TP53BP1: variants seen among roughly 807,000 people sequenced by gnomAD.
TP53BP1 encodes the protein tumor protein p53 binding protein 1, also known as TP53-binding protein 1.
TP53BP1 carries 61 observed loss-of-function variants against 200.8 expected under a neutral mutation model. The observed-to-expected ratio is 0.30, with a 90% CI of 0.25 to 0.38. The LOEUF (loss-of-function observed/expected upper bound fraction) is 0.38. Among genes scored for constraint, TP53BP1 ranks in the 10% least tolerant of loss-of-function variants. The pLI is 1.00. For missense variants in TP53BP1, 2,144 were observed against 2,371.9 expected (o/e 0.90, Z 2.00); for synonymous variants, 822 against 844.3 (o/e 0.97, Z 0.46).
intron 1 of TP53BP1, among the ~76,000 whole-genome samples, chr15:43,500,168 T>C (rs2079202320): frequency 6.6e-6 from 1 of 152,204 alleles, no homozygotes. Context: ...TGATGTCCAA[T>C]TGACATCTCA....
intron 12 of TP53BP1, 121 bp from the exon 13 acceptor site, chr15:43,447,606 G>T: frequency 9.7e-7 from 1 of 1,026,806 alleles, no homozygotes; most frequent in Non-Finnish European, 1.3e-6. Context: ...CTTTTCCTTT[G>T]CTCCCAAATT....
chr15:43,479,357 C>T (rs564079602), intron 7 of TP53BP1, 40 bp downstream of exon 7: 6 of 1,563,192 alleles, frequency 3.8e-6, no homozygotes, highest in South Asian at 1.2e-5. Context: ...TATAACCCTA[C>T]AGCAAAACTC....
At chr15:43,459,416 T>C (rs2046378075) in intron 11 of TP53BP1, among the ~76,000 whole-genome samples, 1 of 152,210 alleles carries the variant, frequency 6.6e-6, no homozygotes. Context: ...ACTCATATAA[T>C]GGTCATATAT....
chr15:43,441,095 A>G (rs1464206465), intron 15 of TP53BP1, among the ~76,000 whole-genome samples: 2 of 152,180 alleles, frequency 1.3e-5, no homozygotes, highest in Non-Finnish European at 2.9e-5. Context: ...ATAACAGCTC[A>G]ACATAGTAGT....
upstream of TP53BP1, among the ~76,000 whole-genome samples, chr15:43,497,703 G>C (rs1350764906): frequency 6.6e-6 from 1 of 152,192 alleles, no homozygotes; most frequent in Non-Finnish European, 1.5e-5. Flanking sequence ...AAAGTAGAAT[G>C]GTGGCTGCCA....
intron 16 of TP53BP1, among the ~76,000 whole-genome samples, chr15:43,434,347 C>A (rs1436255026): frequency 6.6e-6 from 1 of 152,184 alleles, no homozygotes; most frequent in Non-Finnish European, 1.5e-5. Flanking sequence ...ATATTTAAAT[C>A]TTTAAGACAT....
intron 24 of TP53BP1, among the ~76,000 whole-genome samples, chr15:43,410,003 C>T (rs529650269): frequency 6.6e-6 from 1 of 152,166 alleles, no homozygotes; most frequent in African/African-American, 2.4e-5. Flanking sequence ...TCAAAGGTTC[C>T]TGCACCGGAC....
intron 18 of TP53BP1, among the ~76,000 whole-genome samples, chr15:43,426,382 G>A (rs2045531470): frequency 7.0e-6 from 1 of 141,876 alleles, no homozygotes; most frequent in African/African-American, 2.6e-5. Flanking sequence ...AGAGGCTCCA[G>A]AAGGCCAAGA....
Position 43,428,086 on chromosome 15 carries a change from G to A in TP53BP1, c.3758C>T (p.Thr1253Ile). Residue 1253 changes from threonine (T) to isoleucine (I), a missense_variant, in exon 18 of 28, where the codon ACA becomes ATA. Physicochemically the swap from Thr to Ile is moderately conservative, Grantham distance 89 (BLOSUM62 -1). This residue lies in a region of TP53BP1 where 1,700 missense variants were observed against 1,710.3 expected (regional missense o/e 0.99). Transcript: ENST00000382044. ...ATCTGTAATGACACGAGTGACAAGT[G>A]TGCGTACTTCCCGGATTGTTCTCAT... ...RHMRTIREVR[T>I]LVTRVITDVY... 1 of 1,613,032 alleles carries A rather than the reference G, an allele frequency of 6.2e-7. No homozygotes were observed. The highest frequency in any genetic ancestry group is 8.5e-7 in the Non-Finnish European group (1 of 1,179,094).
At chr15:43,481,488 C>CAT in intron 4 of TP53BP1, among the ~76,000 whole-genome samples, 1 of 151,350 alleles carries the variant, frequency 6.6e-6, no homozygotes, top group East Asian at 1.9e-4. Flanking sequence ...CACACACACA[C>CAT]ACACTTTTTA....
rs768497502 is a variant in TP53BP1, at chr15:43,409,690, C to T, written c.5357G>A (p.Arg1786Gln). 4.4e-6 allele frequency: 7 copies of T among 1,575,668 alleles called. No homozygotes were observed. The highest frequency in any genetic ancestry group is 6.0e-6 in the Non-Finnish European group (7 of 1,163,526). ...FNKQYTESQL[R>Q]AGAGYILEDF... ...TTCAAGGATATAGCCAGCTCCTGCTCGAAGCTGGGATTCTGTATACTGCTT... is the reference window on the plus strand; with the variant it reads ...TTCAAGGATATAGCCAGCTCCTGCTTGAAGCTGGGATTCTGTATACTGCTT... Residue 1786 changes from arginine (R) to glutamine (Q), a missense_variant, in exon 25 of 28, where the codon CGA becomes CAA. By Grantham distance (43) the Arg-to-Gln change is conservative. This residue lies in a region of TP53BP1 where 334 missense variants were observed against 453.4 expected (regional missense o/e 0.74). Coordinates refer to ENST00000382044, the MANE Select transcript of TP53BP1 (RefSeq NM_001141980.3).
intron 20 of TP53BP1, 137 bp downstream of exon 20, chr15:43,420,888 C>T (rs2045380351): frequency 7.5e-7 from 1 of 1,334,858 alleles, no homozygotes; most frequent in African/African-American, 1.5e-5. Flanking sequence ...TGTGGCCTCA[C>T]TCTGATCCCT....
At chr15:43,504,155 AT>A (rs770163365) in intron 1 of TP53BP1, among the ~76,000 whole-genome samples, 2 of 152,056 alleles carry the variant, frequency 1.3e-5, no homozygotes, top group African/African-American at 4.8e-5. Flanking sequence ...TAAAACAAAA[AT>A]TTTTTGAGAC....
intron 15 of TP53BP1, among the ~76,000 whole-genome samples, chr15:43,439,528 C>G (rs1444850296): frequency 6.6e-6 from 1 of 152,066 alleles, no homozygotes; most frequent in African/African-American, 2.4e-5. Flanking sequence ...AAAGTGAGAC[C>G]CTGTCTCAAA....
intron 16 of TP53BP1, among the ~76,000 whole-genome samples, chr15:43,436,578 A>C (rs1322329055): frequency 6.6e-6 from 1 of 151,504 alleles, no homozygotes; most frequent in Non-Finnish European, 1.5e-5. Context: ...AGGTTCAACC[A>C]ATCATCCCAC....
chr15:43,404,484 T>G lies in TP53BP1; in HGVS notation c.*2899A>C. ...TTCGGAATCATCAGATCAACTCAGA[T>G]TTGGCTCAACTACTGTTACGACTAG... is the stretch of plus-strand genomic sequence containing the variant. On this transcript the variant is annotated 3_prime_UTR_variant, in exon 28 of 28. Coordinates refer to ENST00000382044, the MANE Select transcript of TP53BP1 (RefSeq NM_001141980.3). 6.2e-7 allele frequency: 1 copy of G among 1,614,188 alleles called. No individual in the cohort carries two copies. The highest frequency in any genetic ancestry group is 8.5e-7 in the Non-Finnish European group (1 of 1,180,036).
rs746796969 is a variant in TP53BP1 at position 43,457,222 on chromosome 15, A to G, written c.1390-4T>C. 6 of 1,584,154 alleles carry G rather than the reference A, an allele frequency of 3.8e-6. No individual in the cohort carries two copies. The highest frequency in any genetic ancestry group is 2.7e-5 in the African/African-American group (2 of 73,660). ...TTGGGGAAGGAATAAAAATGTCCTA[A>G]GGAAGAACAGAAAGAGACAAATTGT... On this transcript the variant is annotated splice_polypyrimidine_tract_variant and splice_region_variant and intron_variant, in intron 11 of 27. Coordinates refer to ENST00000382044, the MANE Select transcript of TP53BP1 (RefSeq NM_001141980.3).
chr15:43,422,763 G>A (rs553644515), intron 18 of TP53BP1, among the ~76,000 whole-genome samples: 231 of 152,290 alleles, frequency 1.5e-3, no homozygotes, highest in Non-Finnish European at 2.5e-3. Flanking sequence ...GGAGGCCAAG[G>A]CAGAAGGACT....
At chr15:43,424,391 C>G (rs906359008) in intron 18 of TP53BP1, among the ~76,000 whole-genome samples, 2 of 152,230 alleles carry the variant, frequency 1.3e-5, no homozygotes, top group Non-Finnish European at 2.9e-5. Flanking sequence ...CATAACCTCT[C>G]TACCTTCCCC....
Sources: gnomAD v4.1 joint callset for allele counts (sites outside exome capture counted in the v4.1 genomes callset) on GRCh38, gnomAD v4.1.1 for gene constraint, gnomAD v4.1.1 regional missense constraint, MANE v1.5 for transcripts, NCBI Gene and HGNC (gene_info 2026-07-23, HGNC 2026-07-21) for gene names.